Variants in NEK1 observed in about 807,000 individuals in gnomAD.
NEK1 encodes serine/threonine-protein kinase Nek1.
NEK1 carries 137 observed loss-of-function variants against 182.1 expected under a neutral mutation model. That is an observed-to-expected ratio of 0.75 (90% CI 0.65 to 0.87). NEK1 has a LOEUF of 0.87. Among genes scored for constraint, NEK1 ranks in the 40% least tolerant of loss-of-function variants. The pLI, the probability that NEK1 is intolerant of heterozygous loss-of-function variation, is 0.00. For synonymous variants in NEK1, 513 were observed against 492.2 expected (o/e 1.04, Z -0.56); for missense variants, 1,391 against 1,494.4 (o/e 0.93, Z 1.14).
chr4:169,471,666 T>TG (rs1358958689), intron 26 of NEK1, among the ~76,000 whole-genome samples: 2 of 152,304 alleles, frequency 1.3e-5, no homozygotes, highest in African/African-American at 4.8e-5. Context: ...GTGAGAGATC[T>TG]GTTCCTCTCT....
intron 27 of NEK1, among the ~76,000 whole-genome samples, chr4:169,440,104 A>G (rs1050713576): frequency 3.3e-5 from 5 of 151,670 alleles, no homozygotes; most frequent in African/African-American, 1.2e-4. Flanking sequence ...TCAGCCTCCC[A>G]AAGTGCTGGG....
At chr4:169,443,802 C>A (rs1739988818) in intron 27 of NEK1, among the ~76,000 whole-genome samples, 2 of 152,098 alleles carry the variant, frequency 1.3e-5, no homozygotes, top group Admixed American at 6.5e-5. Context: ...TATAAGGGCA[C>A]CCCCAACAGA....
intron 19 of NEK1, among the ~76,000 whole-genome samples, chr4:169,525,360 C>T (rs570282266): frequency 1.2e-4 from 18 of 152,212 alleles, no homozygotes; most frequent in Middle Eastern, 6.8e-3. Flanking sequence ...GAACTCCTGA[C>T]CTCAGGTGAT....
At chr4:169,464,350 T>C (rs1223490009) in intron 26 of NEK1, among the ~76,000 whole-genome samples, 1 of 152,150 alleles carries the variant, frequency 6.6e-6, no homozygotes. Context: ...CTGTCTTTCA[T>C]TTTATGGGCA....
intron 31 of NEK1, among the ~76,000 whole-genome samples, chr4:169,421,127 G>A (rs555018944): frequency 9.9e-5 from 15 of 152,154 alleles, no homozygotes; most frequent in African/African-American, 9.7e-5. Context: ...TCATTTCATG[G>A]TGACAAAGGG....
At chr4:169,534,162 T>C (rs922536131) in intron 19 of NEK1, among the ~76,000 whole-genome samples, 2 of 151,800 alleles carry the variant, frequency 1.3e-5, no homozygotes, top group South Asian at 4.2e-4. Flanking sequence ...CTCATTTGCA[T>C]CCATAATGAA....
At chr4:169,400,734 T>C (rs1448067740) in intron 33 of NEK1, 83 bp from the exon 34 acceptor site, 5 of 945,432 alleles carry the variant, frequency 5.3e-6, no homozygotes, top group Non-Finnish European at 7.5e-6. Context: ...CTATGACAAA[T>C]GAATAATGCC....
intron 19 of NEK1, among the ~76,000 whole-genome samples, chr4:169,527,227 C>T (rs1757016786): frequency 6.6e-6 from 1 of 152,148 alleles, no homozygotes; most frequent in East Asian, 1.9e-4. Flanking sequence ...GTGAAAACAC[C>T]ATTCAGATAT....
intron 23 of NEK1, among the ~76,000 whole-genome samples, chr4:169,484,884 C>T (rs191138332): frequency 4.6e-5 from 7 of 152,144 alleles, no homozygotes; most frequent in East Asian, 3.8e-4. Flanking sequence ...AGATAATTTA[C>T]GTAAAGTACA....
chr4:169,511,346 A>G (rs1754147867), intron 19 of NEK1, among the ~76,000 whole-genome samples: 1 of 152,122 alleles, frequency 6.6e-6, no homozygotes, highest in African/African-American at 2.4e-5. Context: ...GCGCTGGGCA[A>G]AGATGTGAGA....
rs1371101243 is a variant in NEK1 at position 169,585,404 on chromosome 4, G to A, written c.752C>T (p.Ser251Phe). The A allele has an allele frequency of 5.6e-6, 9 of 1,613,686 alleles. No homozygotes were observed. Among genetic ancestry groups the A allele is most frequent in the East Asian group, 2.2e-5 (1 of 44,870 alleles). Residue 251 changes from serine (S) to phenylalanine (F), a missense_variant, in exon 10 of 36, where the codon TCC becomes TTC. Coordinates refer to ENST00000507142, the MANE Select transcript of NEK1 (RefSeq NM_001199397.3). ...GGCTATAAAACCTTTCTCCAATATG[G>A]AGTTGACTGATGGTCTATCCCTAGG... The part of the protein sequence containing the change: ...RNPRDRPSVN[S>F]ILEKGFIAKR...
chr4:169,411,696 C>T (rs562000288), intron 31 of NEK1, among the ~76,000 whole-genome samples: 1 of 152,206 alleles, frequency 6.6e-6, no homozygotes, highest in African/African-American at 2.4e-5. Flanking sequence ...TCTATCTCAA[C>T]CTACTTCAGA....
intron 35 of NEK1, among the ~76,000 whole-genome samples, chr4:169,398,297 T>G (rs1731051458): frequency 6.6e-6 from 1 of 151,956 alleles, no homozygotes; most frequent in South Asian, 2.1e-4. Context: ...CACTAAGACT[T>G]GAGTTTTTTT....
At chr4:169,581,096 C>T (rs1165678243) in intron 10 of NEK1, among the ~76,000 whole-genome samples, 194 bp from the exon 11 acceptor site, 3 of 147,524 alleles carry the variant, frequency 2.0e-5, no homozygotes, top group Admixed American at 6.8e-5. Flanking sequence ...TGCCTGAAAT[C>T]CCAGCACTTT....
intron 12 of NEK1, among the ~76,000 whole-genome samples, chr4:169,570,294 A>C (rs370773826): frequency 7.1e-6 from 1 of 140,820 alleles, no homozygotes; most frequent in Non-Finnish European, 1.5e-5. Flanking sequence ...CCCTCCGCCC[A>C]GCAGCCACCC....
intron 29 of NEK1, among the ~76,000 whole-genome samples, chr4:169,428,773 G>A (rs73864611): frequency 0.013 from 2,012 of 152,098 alleles, 39 homozygotes; most frequent in African/African-American, 0.046. Context: ...CTAACTACTC[G>A]AATTCCAGTT....
chr4:169,556,738 TAAAA>T (rs59615019), intron 16 of NEK1, among the ~76,000 whole-genome samples: 1 of 116,100 alleles, frequency 8.6e-6, no homozygotes, highest in Non-Finnish European at 1.9e-5. Flanking sequence ...CACAAAACAG[TAAAA>T]AAAAAAAAAA....
chr4:169,470,037 G>C (rs1391594642), intron 26 of NEK1, among the ~76,000 whole-genome samples: 2 of 151,176 alleles, frequency 1.3e-5, no homozygotes, highest in Non-Finnish European at 2.9e-5. Context: ...ATATGAAATG[G>C]GTCTCCTTAA....
At position 169,425,473 on chromosome 4, in the gene NEK1, AG is replaced by A. The variant is rs2111347427; in HGVS notation, c.2974+672del. Among the ~76,000 whole-genome samples, 3 of 152,224 alleles carry A rather than the reference AG, an allele frequency of 2.0e-5. No individual in the cohort carries two copies. The South Asian group carries it at 6.2e-4, about 32-fold the overall frequency. ...AAAAAAAAGACATAAATCCAAAGAA[AG>A]GTGAAAAAATACACTATTTAGATAC... On this transcript the variant is annotated intron_variant, in intron 30 of 35. Coordinates refer to ENST00000507142, the MANE Select transcript of NEK1 (RefSeq NM_001199397.3).
Sources: allele counts gnomAD v4.1 joint callset (sites outside exome capture counted in the v4.1 genomes callset), GRCh38; gene constraint gnomAD v4.1.1; transcripts MANE v1.5; gene names NCBI Gene and HGNC (gene_info 2026-07-23, HGNC 2026-07-21).